The following OTOG variants were observed in gnomAD, a reference collection of about 807,000 sequenced individuals.
OTOG encodes the protein otogelin.
Under a neutral mutation model 313.8 loss-of-function variants are expected in OTOG, and 296 were observed. The observed-to-expected ratio is 0.94, with a 90% confidence interval of 0.86 to 1.04. The LOEUF (loss-of-function observed/expected upper bound fraction) is 1.04. OTOG is among the 50% of genes least tolerant of loss of function. The pLI is 0.00. For missense variants in OTOG, 3,948 were observed against 3,840.1 expected (o/e 1.03, Z -0.74); for synonymous variants, 1,533 against 1,554.9 (o/e 0.99, Z 0.33).
Position 17,557,130 on chromosome 11 carries a change from A to G in OTOG, c.672A>G (p.Pro224=). The change falls in exon 8 of 56, where the codon CCA becomes CCG. Residue 224 remains proline (P), a synonymous_variant. Coordinates refer to ENST00000399397, the MANE Select transcript of OTOG (RefSeq NM_001292063.2). ...VTHGGMRVQL[P]HVMGSARLQQ... ...ATGTGCCCTGCAGGGTCCAACTGCC[A>G]CATGTCATGGGGAGCGCGCGTCTGC... 6.5e-7 allele frequency: 1 copy of G among 1,550,230 alleles called. No individual in the cohort carries two copies. Among genetic ancestry groups the G allele is most frequent in the Non-Finnish European group, 8.7e-7 (1 of 1,146,982 alleles).
rs557858466 is a variant in OTOG at position 17,558,139 on chromosome 11, C to T, written c.866-46C>T. On this transcript the variant is annotated intron_variant, in intron 8 of 55. Coordinates refer to ENST00000399397, the MANE Select transcript of OTOG (RefSeq NM_001292063.2). Reference sequence around the variant, plus strand: ...CAGAGCCTTCTGTCCCTCCCATCCACCCAACCCCATCGCTGCCCCATCATG... The same window carrying T: ...CAGAGCCTTCTGTCCCTCCCATCCATCCAACCCCATCGCTGCCCCATCATG... 1.1e-4 allele frequency: 170 copies of T among 1,548,054 alleles called. No individual in the cohort carries two copies. The South Asian group carries it at 2.0e-3, about 18-fold the overall frequency.
rs1406354520 is a variant in OTOG, at chr11:17,641,943, C to A, written c.8287C>A (p.Leu2763Met). 6.5e-7 allele frequency: 1 copy of A among 1,550,256 alleles called. No homozygotes were observed. The highest frequency in any genetic ancestry group is 2.0e-5 in the Admixed American group (1 of 50,980). Reference sequence around the variant, plus strand: ...CACCTTCCCCAATGGCACCACCTCCCTGTTCTTGGTAAGCAGCCCCCTCGC... The same window carrying A: ...CACCTTCCCCAATGGCACCACCTCCATGTTCTTGGTAAGCAGCCCCCTCGC... ...LFTFPNGTTS[L>M]FLPGASWIAD... is the part of the protein sequence containing the mutation. The change falls in exon 52 of 56, where the codon CTG (leucine) becomes ATG (methionine). Residue 2763 changes from leucine (L) to methionine (M), a missense_variant. Leu to Met is a conservative substitution (Grantham distance 15). Transcript: ENST00000399397.
intron 17 of OTOG, 64 bp from the exon 18 acceptor site, chr11:17,572,016 T>C (rs1565098089): frequency 6.5e-7 from 1 of 1,545,064 alleles, no homozygotes; most frequent in Non-Finnish European, 8.7e-7. Flanking sequence ...CCTGGATCTA[T>C]GCTATTTGTG....
In OTOG at chr11:17,560,862, G is replaced by A. The variant is rs117844700; in HGVS notation, c.1451+45G>A. ...AAGCAGGGTGTGGGGCATGGCCGCT[G>A]AGGCTTTCCACGAGGGCTGCCCATC... On this transcript the variant is annotated intron_variant, in intron 13 of 55. Coordinates refer to ENST00000399397, the MANE Select transcript of OTOG (RefSeq NM_001292063.2). 2,738 of 1,486,636 alleles carry A rather than the reference G, an allele frequency of 1.8e-3. 6 individuals carry two copies. The highest frequency in any genetic ancestry group is 2.3e-3 in the Non-Finnish European group (2,461 of 1,089,174). 92.1% of individuals were successfully genotyped at this position (1,486,636 alleles called of 1,614,324 possible). A position where few individuals can be genotyped will look rare whatever the true frequency, so the allele number is the denominator to read the frequency against.
chr11:17,640,607 A>G (rs1298098736), intron 49 of OTOG, 138 bp from the exon 50 acceptor site: 1 of 789,140 alleles, frequency 1.3e-6, no homozygotes. Flanking sequence ...CAGGCTGCTG[A>G]GGGGCCCCAG....
At chr11:17,577,485 A>G (rs1166587945) in intron 22 of OTOG, among the ~76,000 whole-genome samples, 1 of 152,172 alleles carries the variant, frequency 6.6e-6, no homozygotes, top group Non-Finnish European at 1.5e-5. Context: ...GAGAATAATC[A>G]TACAGTAGGT....
intron 4 of OTOG, 120 bp from the exon 5 acceptor site, chr11:17,552,999 A>G (rs1440782981): frequency 3.3e-5 from 27 of 809,736 alleles, no homozygotes; most frequent in Non-Finnish European, 5.1e-5. Context: ...CTGCTGAGGA[A>G]TGTTGGGGCT....
intron 47 of OTOG, among the ~76,000 whole-genome samples, chr11:17,636,939 G>T (rs1854281149): frequency 6.6e-6 from 1 of 152,144 alleles, no homozygotes; most frequent in Non-Finnish European, 1.5e-5. Flanking sequence ...GATAATTTTT[G>T]TGAAGGACCA....
At chr11:17,626,311 G>C (rs1355270534) in intron 39 of OTOG, among the ~76,000 whole-genome samples, 2 of 152,124 alleles carry the variant, frequency 1.3e-5, no homozygotes, top group Non-Finnish European at 2.9e-5. Context: ...AAGTAGCTGG[G>C]GTTACAGGTG....
At chr11:17,623,872 T>C (rs1853920972) in intron 39 of OTOG, among the ~76,000 whole-genome samples, 2 of 152,360 alleles carry the variant, frequency 1.3e-5, no homozygotes, top group African/African-American at 4.8e-5. Flanking sequence ...TCATTGCTGT[T>C]TTGATTTGCA....
At chr11:17,613,813 G>A (rs1286318989) in intron 39 of OTOG, 112 bp downstream of exon 39, 38 of 825,592 alleles carry the variant, frequency 4.6e-5, no homozygotes, top group Middle Eastern at 5.0e-4. Flanking sequence ...GCAGGGGTGG[G>A]GAGGGGACCT....
intron 32 of OTOG, among the ~76,000 whole-genome samples, chr11:17,603,554 G>A (rs7102480): frequency 0.093 from 14,207 of 152,100 alleles, 1,276 homozygotes; most frequent in African/African-American, 0.23. Flanking sequence ...TCCAGGCTCC[G>A]TCTCAGAGTC....
intron 39 of OTOG, 64 bp from the exon 40 acceptor site, chr11:17,629,065 CAGAT>C: frequency 2.8e-6 from 4 of 1,406,764 alleles, no homozygotes; most frequent in Non-Finnish European, 3.9e-6. Context: ...GATGGACGGA[CAGAT>C]GGATGGATGG....
At chr11:17,578,850 G>T (rs762745804) in intron 23 of OTOG, among the ~76,000 whole-genome samples, 1 of 152,296 alleles carries the variant, frequency 6.6e-6, no homozygotes. Flanking sequence ...TGTCTGGCAC[G>T]CTGGGCACTG....
intron 36 of OTOG, 61 bp from the exon 37 acceptor site, chr11:17,612,101 G>A: frequency 6.5e-7 from 1 of 1,534,050 alleles, no homozygotes; most frequent in Non-Finnish European, 8.8e-7. Context: ...TGCCATCACA[G>A]CTTGCAGGGT....
intron 28 of OTOG, among the ~76,000 whole-genome samples, chr11:17,594,718 G>A (rs1382268264): frequency 6.6e-6 from 1 of 152,260 alleles, no homozygotes; most frequent in Non-Finnish European, 1.5e-5. Flanking sequence ...CAATCTGTGA[G>A]CTGTGGGGGA....
chr11:17,558,341 C>A, intron 9 of OTOG, 26 bp downstream of exon 9: 1 of 1,549,852 alleles, frequency 6.5e-7, no homozygotes. Flanking sequence ...AGAAACTCCC[C>A]TACCCTAGAG....
rs1005601115 is a variant in OTOG, at chr11:17,606,030, C to T, written c.4051C>T (p.Leu1351=). 1 of 1,550,432 alleles carries T rather than the reference C, an allele frequency of 6.4e-7. No homozygotes were observed. The highest frequency in any genetic ancestry group is 1.4e-5 in the African/African-American group (1 of 73,062). ...GGCAGGCCTGGTGGCCCTGGAGTCC[C>T]TGGCCAAGCCCAGCTCCTTCCTCTA... ...RQAGLVALES[L]AKPSSFLYVS... is the part of the protein sequence containing the mutation. The change falls in exon 33 of 56, where the codon CTG becomes TTG. Residue 1351 remains leucine, a synonymous_variant. Coordinates refer to ENST00000399397, the MANE Select transcript of OTOG (RefSeq NM_001292063.2).
At chr11:17,547,691 G>C (rs999563480) in intron 1 of OTOG, 3 of 788,086 alleles carry the variant, frequency 3.8e-6, no homozygotes, top group African/African-American at 3.6e-5. Flanking sequence ...GGGTGGAAGA[G>C]ACCCGAGGTG....
Sources: gnomAD v4.1 joint callset for allele counts (sites outside exome capture counted in the v4.1 genomes callset) on GRCh38, gnomAD v4.1.1 for gene constraint, MANE v1.5 for transcripts, NCBI Gene and HGNC (gene_info 2026-07-23, HGNC 2026-07-21) for gene names.